Variants in PIGN observed in about 807,000 individuals in gnomAD.
PIGN encodes the protein phosphatidylinositol glycan anchor biosynthesis class N.
Under a neutral mutation model 125.4 loss-of-function variants are expected in PIGN, and 117 were observed. The observed-to-expected ratio is 0.93, with a 90% confidence interval of 0.80 to 1.09. The LOEUF is 1.09. PIGN is among the 50% of genes least tolerant of loss of function. The pLI, the probability that PIGN is intolerant of heterozygous loss-of-function variation, is 0.00. For synonymous variants in PIGN, 392 were observed against 377.8 expected (o/e 1.04, Z -0.44); for missense variants, 1,075 against 1,094.9 (o/e 0.98, Z 0.26).
downstream of PIGN, among the ~76,000 whole-genome samples, chr18:62,039,252 AAATT>A (rs1056001503): frequency 1.3e-5 from 2 of 152,104 alleles, no homozygotes; most frequent in Non-Finnish European, 2.9e-5. Context: ...AAAATTTGCA[AAATT>A]AATACAGAGG....
downstream of PIGN, among the ~76,000 whole-genome samples, chr18:62,038,304 C>T (rs954053277): frequency 1.1e-4 from 12 of 111,250 alleles, no homozygotes; most frequent in Admixed American, 2.4e-4. Context: ...CAATCCCCCT[C>T]CGTGTTTTTT....
chr18:62,095,934 CACA>C lies in PIGN; in HGVS notation c.2091_2093del (p.Val698del), dbSNP rs1167158496. 4 of 1,610,176 alleles carry C rather than the reference CACA, an allele frequency of 2.5e-6. No individual in the cohort carries two copies. Among genetic ancestry groups the C allele is most frequent in the Non-Finnish European group, 3.4e-6 (4 of 1,176,810 alleles). ...AGAGAACTGGAGAACTCAGTAGTGGCACAACCAAGGAAGAGGCTGCAATGAAAC... is the reference window on the plus strand; with the variant it reads ...AGAGAACTGGAGAACTCAGTAGTGGCACCAAGGAAGAGGCTGCAATGAAAC... On this transcript the variant is annotated inframe_deletion, in exon 23 of 31. Transcript: ENST00000640252.
chr18:62,077,052 C>A (rs937754534), intron 28 of PIGN, among the ~76,000 whole-genome samples: 2 of 152,116 alleles, frequency 1.3e-5, no homozygotes, highest in Non-Finnish European at 2.9e-5. Flanking sequence ...GGACCCAGTT[C>A]TTCTGGAATA....
chr18:62,087,344 T>C (rs2033754974), intron 25 of PIGN, among the ~76,000 whole-genome samples: 1 of 152,210 alleles, frequency 6.6e-6, no homozygotes, highest in Non-Finnish European at 1.5e-5. Flanking sequence ...GTAAACTGAA[T>C]AGATTTGAGT....
chr18:62,157,333 C>T (rs2036775357), intron 5 of PIGN, 106 bp from the exon 6 acceptor site: 1 of 574,848 alleles, frequency 1.7e-6, no homozygotes, highest in Non-Finnish European at 3.0e-6. Flanking sequence ...TGAATAAATG[C>T]AAAACTAATA....
chr18:62,099,223 A>G (rs970947850), intron 22 of PIGN, among the ~76,000 whole-genome samples: 4 of 152,150 alleles, frequency 2.6e-5, no homozygotes, highest in African/African-American at 9.6e-5. Context: ...CAGTGATTCA[A>G]AAAGGCTAAA....
At chr18:62,052,769 C>G (rs189342494) in intron 30 of PIGN, 2 of 184,342 alleles carry the variant, frequency 1.1e-5, no homozygotes, top group African/African-American at 2.4e-5. Context: ...TTATTTTGCT[C>G]GTTAGTTGAT....
At chr18:62,111,546 A>G (rs1321601865) in intron 16 of PIGN, among the ~76,000 whole-genome samples, 3 of 151,712 alleles carry the variant, frequency 2.0e-5, no homozygotes, top group African/African-American at 7.3e-5. Flanking sequence ...GAGTGTAGAT[A>G]TAGTGACTTA....
intron 1 of PIGN, among the ~76,000 whole-genome samples, chr18:62,167,689 T>C (rs2037200204): frequency 7.2e-6 from 1 of 139,268 alleles, no homozygotes; most frequent in Non-Finnish European, 1.6e-5. Flanking sequence ...ACTCTCTCTC[T>C]CTCTCTCTAC....
At chr18:62,056,506 G>A (rs746612986) in intron 30 of PIGN, among the ~76,000 whole-genome samples, 1 of 82,622 alleles carries the variant, frequency 1.2e-5, no homozygotes, top group Non-Finnish European at 2.2e-5. Flanking sequence ...CTCAGCAGAT[G>A]ACTCTGCTTT....
chr18:62,065,453 G>C (rs1396489438), intron 30 of PIGN, among the ~76,000 whole-genome samples: 1 of 152,140 alleles, frequency 6.6e-6, no homozygotes, highest in Non-Finnish European at 1.5e-5. Flanking sequence ...AAAAAGACAG[G>C]CTTGGCGGGG....
At chr18:62,034,546 C>T (rs530790648) in intron 23 of PIGN, among the ~76,000 whole-genome samples, 1 of 152,274 alleles carries the variant, frequency 6.6e-6, no homozygotes, top group Non-Finnish European at 1.5e-5. Flanking sequence ...TGCCCAAGGC[C>T]GTGGGAGCCT....
At chr18:62,083,024 T>C (rs989156484) in intron 27 of PIGN, among the ~76,000 whole-genome samples, 4 of 152,094 alleles carry the variant, frequency 2.6e-5, no homozygotes, top group African/African-American at 9.6e-5. Flanking sequence ...TTTTGTTCCA[T>C]TTAATGTATT....
rs1349286133 is a variant in PIGN, at chr18:62,105,530, A to G, written c.1859+13T>C. 4 of 1,407,564 alleles carry G rather than the reference A, an allele frequency of 2.8e-6. No individual in the cohort carries two copies. Among genetic ancestry groups the G allele is most frequent in the South Asian group, 2.5e-5 (2 of 80,590 alleles). 87.2% of individuals were successfully genotyped at this position (1,407,564 alleles called of 1,614,324 possible). A position where few individuals can be genotyped will look rare whatever the true frequency, so the allele number is the denominator to read the frequency against. On this transcript the variant is annotated intron_variant, in intron 20 of 30. Coordinates refer to ENST00000640252, the MANE Select transcript of PIGN (RefSeq NM_176787.5). ...TGTATTGAAAATAGAATAAAATACA[A>G]TATTATTCATACACTAGAGAGATGT... is the stretch of plus-strand genomic sequence containing the variant.
intron 22 of PIGN, among the ~76,000 whole-genome samples, chr18:62,098,963 G>A (rs188033662): frequency 1.2e-4 from 19 of 152,016 alleles, no homozygotes; most frequent in Admixed American, 1.1e-3. Flanking sequence ...ACTGCATAAT[G>A]TACAAGTGTG....
chr18:62,134,068 C>T (rs977092442), intron 14 of PIGN, among the ~76,000 whole-genome samples: 5 of 152,058 alleles, frequency 3.3e-5, no homozygotes, highest in African/African-American at 9.7e-5. Flanking sequence ...ACATTTTTAC[C>T]TCCTCTTTTG....
At chr18:62,056,817 G>C (rs1289404040) in intron 30 of PIGN, 1 of 152,302 alleles carries the variant, frequency 6.6e-6, no homozygotes, top group East Asian at 1.9e-4. Context: ...GCTCTGCATC[G>C]CTGGCATTAC....
intron 14 of PIGN, among the ~76,000 whole-genome samples, chr18:62,132,125 T>C (rs2035762598): frequency 6.6e-6 from 1 of 152,234 alleles, no homozygotes; most frequent in Non-Finnish European, 1.5e-5. Flanking sequence ...TTTGATCTTT[T>C]ATGTTTATAG....
In PIGN at chr18:62,074,821, G is replaced by A; in HGVS notation, c.2577C>T (p.Ser859=). 1.2e-6 allele frequency: 2 copies of A among 1,602,578 alleles called. No individual in the cohort carries two copies. Among genetic ancestry groups the A allele is most frequent in the Non-Finnish European group, 1.7e-6 (2 of 1,171,978 alleles). The change falls in exon 29 of 31, where the codon AGC becomes AGT. Residue 859 remains serine, a splice_region_variant and synonymous_variant. Coordinates refer to ENST00000640252, the MANE Select transcript of PIGN (RefSeq NM_176787.5). ...VQLTTQLSSK[S]LFLIVLVISD... Reference sequence around the variant, plus strand: ...ATATGACGAGAACAATGAGAAAAAGGCTGGAAAAAAAAAGAAGGAAAAATT... The same window carrying A: ...ATATGACGAGAACAATGAGAAAAAGACTGGAAAAAAAAAGAAGGAAAAATT...
Sources: gnomAD v4.1 joint callset for allele counts (sites outside exome capture counted in the v4.1 genomes callset) on GRCh38, gnomAD v4.1.1 for gene constraint, MANE v1.5 for transcripts, NCBI Gene and HGNC (gene_info 2026-07-23, HGNC 2026-07-21) for gene names.